TRAF3: variants seen among roughly 807,000 people sequenced by gnomAD.
The protein encoded by TRAF3 is TNF receptor-associated factor 3.
TRAF3 carries 13 observed loss-of-function variants against 62.3 expected under a neutral mutation model. The ratio of observed to expected loss-of-function variants is 0.21; its 90% confidence interval spans 0.14 to 0.33. The LOEUF is 0.33. Among genes scored for constraint, TRAF3 ranks in the 10% least tolerant of loss-of-function variants. The pLI, the probability that TRAF3 is intolerant of heterozygous loss-of-function variation, is 1.00. For synonymous variants in TRAF3, 269 were observed against 283.4 expected (o/e 0.95, Z 0.51); for missense variants, 440 against 741.8 (o/e 0.59, Z 4.73).
At chr14:102,856,346 G>T (rs905427672) in intron 2 of TRAF3, among the ~76,000 whole-genome samples, 2 of 152,160 alleles carry the variant, frequency 1.3e-5, no homozygotes, top group African/African-American at 4.8e-5. Flanking sequence ...GGGGTGGGCA[G>T]TATCTGGAAC....
chr14:102,789,777 ATGTT>A (rs151233636), intron 1 of TRAF3, among the ~76,000 whole-genome samples: 2,365 of 151,862 alleles, frequency 0.016, 57 homozygotes, highest in African/African-American at 0.055. Flanking sequence ...AGGGAAGACA[ATGTT>A]TGTTGAGTTC....
At chr14:102,829,917 C>T (rs191375989) in intron 1 of TRAF3, among the ~76,000 whole-genome samples, 77 of 152,236 alleles carry the variant, frequency 5.1e-4, no homozygotes, top group Non-Finnish European at 9.1e-4. Flanking sequence ...ATCGCTTGAG[C>T]CCAGGAATCT....
chr14:102,825,597 A>G (rs1187315241), intron 1 of TRAF3, among the ~76,000 whole-genome samples: 1 of 152,194 alleles, frequency 6.6e-6, no homozygotes, highest in Non-Finnish European at 1.5e-5. Flanking sequence ...CGGAGAGCCC[A>G]CTCAGGCTAC....
At chr14:102,796,522 G>A (rs985360637) in intron 1 of TRAF3, among the ~76,000 whole-genome samples, 1 of 152,242 alleles carries the variant, frequency 6.6e-6, no homozygotes, top group Non-Finnish European at 1.5e-5. Context: ...TGCGACTAGT[G>A]TCTGAAGTGG....
intron 2 of TRAF3, among the ~76,000 whole-genome samples, chr14:102,832,839 T>A (rs1885729998): frequency 6.6e-6 from 1 of 152,132 alleles, no homozygotes; most frequent in Admixed American, 6.5e-5. Context: ...TCGTATATAA[T>A]CTACAAAATG....
At chr14:102,859,222 T>G (rs971762702) in intron 2 of TRAF3, among the ~76,000 whole-genome samples, 9 of 151,840 alleles carry the variant, frequency 5.9e-5, no homozygotes, top group Admixed American at 1.3e-4. Context: ...CATTCACATG[T>G]CTCCTTCTCT....
rs144787005 is a variant in TRAF3, at chr14:102,828,370, C to T, written c.-156-1964C>T. ...ACAACTGCTGACTGTTGCCTGCAGT[C>T]GGAAGGAGGAGATAATGAAGGTAAT... On this transcript the variant is annotated intron_variant, in intron 1 of 11. Transcript: ENST00000392745. Among the ~76,000 whole-genome samples, 42 of 152,288 alleles carry T rather than the reference C, an allele frequency of 2.8e-4. 1 individual carries two copies. The highest frequency in any genetic ancestry group is 5.7e-4 in the Non-Finnish European group (39 of 68,022).
At chr14:102,848,355 G>A (rs1886841588) in intron 2 of TRAF3, among the ~76,000 whole-genome samples, 1 of 152,160 alleles carries the variant, frequency 6.6e-6, no homozygotes, top group Admixed American at 6.5e-5. Flanking sequence ...CTTGAGCCCA[G>A]GAGTTCCAGG....
chr14:102,849,147 A>G (rs1886887622), intron 2 of TRAF3, among the ~76,000 whole-genome samples: 1 of 152,214 alleles, frequency 6.6e-6, no homozygotes, highest in African/African-American at 2.4e-5. Flanking sequence ...ATTGATCGAA[A>G]CATTATAATC....
At chr14:102,902,200 G>C (rs559058325) in intron 10 of TRAF3, among the ~76,000 whole-genome samples, 2 of 152,358 alleles carry the variant, frequency 1.3e-5, no homozygotes, top group Non-Finnish European at 2.9e-5. Context: ...TCGTGTGTTC[G>C]TGGCAGGGTT....
At chr14:102,787,152 A>G (rs1288125641) in intron 1 of TRAF3, among the ~76,000 whole-genome samples, 3 of 152,198 alleles carry the variant, frequency 2.0e-5, no homozygotes, top group Non-Finnish European at 4.4e-5. Flanking sequence ...TCTTGGAAGT[A>G]TGGCCTGTCC....
At chr14:102,851,599 C>G (rs923557349) in intron 2 of TRAF3, among the ~76,000 whole-genome samples, 1 of 152,192 alleles carries the variant, frequency 6.6e-6, no homozygotes, top group Non-Finnish European at 1.5e-5. Flanking sequence ...AGAAAATTAG[C>G]CAGGCCTGGT....
intron 6 of TRAF3, chr14:102,876,809 C>T (rs1888689943): frequency 2.2e-6 from 1 of 445,604 alleles, no homozygotes; most frequent in Non-Finnish European, 4.2e-6. Context: ...GCCTTCCGCT[C>T]AATTCGTAGA....
At position 102,907,115 on chromosome 14, in the gene TRAF3, G is replaced by A. The variant is rs987437737; in HGVS notation, c.*1331G>A. ...ATTACCACAGATTCCAAATCTCTAGGCCCCACGAGTGAGCCGCCTGGTCCA... is the reference window on the plus strand; with the variant it reads ...ATTACCACAGATTCCAAATCTCTAGACCCCACGAGTGAGCCGCCTGGTCCA... On this transcript the variant is annotated 3_prime_UTR_variant, in exon 12 of 12. Transcript: ENST00000392745. The A allele has an allele frequency of 6.6e-6, 1 of 152,186 alleles. No individual in the cohort carries two copies. The highest frequency in any genetic ancestry group is 1.5e-5 in the Non-Finnish European group (1 of 68,036). 9.4% of individuals were successfully genotyped at this position (152,186 alleles called of 1,614,324 possible).
In TRAF3 at chr14:102,870,172, T is replaced by G. The variant is rs1888249794; in HGVS notation, c.-17-13T>G. 5 of 1,614,060 alleles carry G rather than the reference T, an allele frequency of 3.1e-6. No individual in the cohort carries two copies. In the East Asian group the frequency reaches 1.1e-4, roughly 36 times the overall value. On this transcript the variant is annotated splice_polypyrimidine_tract_variant and intron_variant, in intron 2 of 11. Transcript: ENST00000392745. ...AGAGGATATGATGGCACTCTACTGT[T>G]TTTTCCCGACAGAACTCCTCTTTCC...
intron 2 of TRAF3, among the ~76,000 whole-genome samples, chr14:102,837,671 T>A (rs1390138888): frequency 6.6e-6 from 1 of 151,738 alleles, no homozygotes; most frequent in African/African-American, 2.4e-5. Flanking sequence ...GGTTTTAAAA[T>A]GGGGTGGATG....
At chr14:102,790,639 C>G (rs536020787) in intron 1 of TRAF3, among the ~76,000 whole-genome samples, 1 of 152,206 alleles carries the variant, frequency 6.6e-6, no homozygotes, top group African/African-American at 2.4e-5. Flanking sequence ...GAGAACAGCA[C>G]CCCCACGATT....
In TRAF3 at chr14:102,905,872, A is replaced by G; in HGVS notation, c.*88A>G. On this transcript the variant is annotated 3_prime_UTR_variant, in exon 12 of 12. Transcript: ENST00000392745. ...TCTTCACTGAGGTCCTCGCGCTCAG[A>G]AAAGGACCTTGTGAGACGGAGGAAG... 1 of 1,257,572 alleles carries G rather than the reference A, an allele frequency of 8.0e-7. No homozygotes were observed. The highest frequency in any genetic ancestry group is 1.1e-6 in the Non-Finnish European group (1 of 897,538). The allele number at this position is 1,257,572 out of a possible 1,614,324, so 77.9% of individuals were successfully genotyped here.
At chr14:102,778,806 T>G (rs1175178023) in intron 1 of TRAF3, among the ~76,000 whole-genome samples, 6 of 152,214 alleles carry the variant, frequency 3.9e-5, no homozygotes, top group Non-Finnish European at 8.8e-5. Flanking sequence ...TATAAAATTC[T>G]TACTGTAGGG....
Sources: allele counts gnomAD v4.1 joint callset (sites outside exome capture counted in the v4.1 genomes callset), GRCh38; gene constraint gnomAD v4.1.1; transcripts MANE v1.5; gene names NCBI Gene and HGNC (gene_info 2026-07-23, HGNC 2026-07-21).